ADAM17: variants seen among roughly 807,000 people sequenced by gnomAD.
The protein encoded by ADAM17 is disintegrin and metalloproteinase domain-containing protein 17.
A neutral mutation model predicts 96.7 loss-of-function variants in ADAM17; 39 were observed. That is an observed-to-expected ratio of 0.40 (90% confidence interval 0.31 to 0.53). The LOEUF is 0.53. ADAM17 is among the 20% of genes least tolerant of loss of function. The pLI, the probability that ADAM17 is intolerant of heterozygous loss-of-function variation, is 0.44. For missense variants in ADAM17, 777 were observed against 1,013.2 expected (o/e 0.77, Z 3.17); for synonymous variants, 344 against 359.2 (o/e 0.96, Z 0.48).
intron 2 of ADAM17, among the ~76,000 whole-genome samples, chr2:9,537,744 C>T (rs1051591070): frequency 1.3e-4 from 20 of 151,634 alleles, no homozygotes; most frequent in African/African-American, 4.8e-4. Context: ...AAAAAGTACT[C>T]GTGCTTTTTT....
At chr2:9,518,899 G>C (rs1025856726) in intron 8 of ADAM17, among the ~76,000 whole-genome samples, 3 of 151,046 alleles carry the variant, frequency 2.0e-5, no homozygotes, top group Non-Finnish European at 3.0e-5. Flanking sequence ...CTTAATTTGG[G>C]GGGGGGGTTT....
intron 10 of ADAM17, among the ~76,000 whole-genome samples, chr2:9,513,283 C>T (rs561039809): frequency 1.3e-5 from 2 of 152,252 alleles, no homozygotes; most frequent in South Asian, 2.1e-4. Context: ...CGTGAGCCAC[C>T]GCACCCAGCT....
chr2:9,517,866 TCTAACA>T, intron 10 of ADAM17, 29 bp downstream of exon 10: 3 of 1,451,268 alleles, frequency 2.1e-6, no homozygotes, highest in Non-Finnish European at 2.8e-6. Flanking sequence ...TACAATAAAC[TCTAACA>T]CTATTCTTTT....
chr2:9,514,729 C>T (rs1399577743), intron 10 of ADAM17, among the ~76,000 whole-genome samples: 1 of 150,904 alleles, frequency 6.6e-6, no homozygotes, highest in Non-Finnish European at 1.5e-5. Context: ...AAAAATTAGC[C>T]GGGCGTGGTG....
At chr2:9,534,650 G>A (rs1572947237) in intron 4 of ADAM17, among the ~76,000 whole-genome samples, 1 of 152,164 alleles carries the variant, frequency 6.6e-6, no homozygotes, top group East Asian at 1.9e-4. Context: ...CATATTGTAT[G>A]GTCCTAGTTT....
At chr2:9,543,382 T>G (rs1315134006) in intron 1 of ADAM17, 97 bp from the exon 2 acceptor site, 5 of 1,124,550 alleles carry the variant, frequency 4.4e-6, no homozygotes, top group South Asian at 2.3e-5. Flanking sequence ...TTTCCTGATG[T>G]AATCCATTAG....
chr2:9,491,506 C>CCGCACTGACTGGAAGGGCA (rs1156323991), intron 17 of ADAM17, among the ~76,000 whole-genome samples: 1 of 152,232 alleles, frequency 6.6e-6, no homozygotes, highest in African/African-American at 2.4e-5. Flanking sequence ...TACACCAGGA[C>CCGCACTGACTGGAAGGGCA]CGCACTGACT....
At chr2:9,509,821 C>T (rs1332487607) in intron 11 of ADAM17, among the ~76,000 whole-genome samples, 158 bp downstream of exon 11, 1 of 152,148 alleles carries the variant, frequency 6.6e-6, no homozygotes, top group Non-Finnish European at 1.5e-5. Flanking sequence ...AACCGTGCTT[C>T]ACCCCAAAAC....
intron 1 of ADAM17, among the ~76,000 whole-genome samples, chr2:9,544,495 A>T (rs1665334300): frequency 1.3e-5 from 2 of 151,988 alleles, no homozygotes; most frequent in Admixed American, 1.3e-4. Context: ...ACTACACTCT[A>T]GCCTGGGCGA....
At chr2:9,517,763 A>T (rs1236669560) in intron 10 of ADAM17, 138 bp downstream of exon 10, 1 of 563,734 alleles carries the variant, frequency 1.8e-6, no homozygotes, top group African/African-American at 2.0e-5. Context: ...TCCCACAAAA[A>T]TACATAAATT....
intron 10 of ADAM17, among the ~76,000 whole-genome samples, chr2:9,516,712 C>T (rs1664076509): frequency 6.6e-6 from 1 of 152,050 alleles, no homozygotes; most frequent in African/African-American, 2.4e-5. Context: ...AAGATGGTGC[C>T]ACTGCCCTCC....
At chr2:9,541,679 G>GT (rs1665211056) in intron 2 of ADAM17, among the ~76,000 whole-genome samples, 1 of 152,228 alleles carries the variant, frequency 6.6e-6, no homozygotes, top group Non-Finnish European at 1.5e-5. Context: ...TCCATGGCTT[G>GT]TTTTTTAAAC....
chr2:9,519,561 CA>C (rs985057826), intron 8 of ADAM17, among the ~76,000 whole-genome samples: 4 of 152,118 alleles, frequency 2.6e-5, no homozygotes, highest in African/African-American at 9.7e-5. Flanking sequence ...TGTGCCACCC[CA>C]CAATTCAAAT....
chr2:9,499,011 T>C (rs1662817800), intron 13 of ADAM17, among the ~76,000 whole-genome samples: 1 of 152,144 alleles, frequency 6.6e-6, no homozygotes, highest in Non-Finnish European at 1.5e-5. Flanking sequence ...TTTGATGCAG[T>C]AGATCCAGGG....
chr2:9,506,297 T>C (rs1191439472), intron 11 of ADAM17, among the ~76,000 whole-genome samples: 1 of 148,264 alleles, frequency 6.7e-6, no homozygotes, highest in Non-Finnish European at 1.5e-5. Flanking sequence ...TTCAGAAAGA[T>C]AGCAAAGACC....
At chr2:9,494,113 C>T (rs762941145) in intron 15 of ADAM17, among the ~76,000 whole-genome samples, 3 of 152,162 alleles carry the variant, frequency 2.0e-5, no homozygotes, top group Admixed American at 1.3e-4. Flanking sequence ...AAGGACTCTA[C>T]ACATACACAG....
At chr2:9,498,066 G>C (rs1196411249) in intron 13 of ADAM17, among the ~76,000 whole-genome samples, 3 of 152,108 alleles carry the variant, frequency 2.0e-5, no homozygotes, top group African/African-American at 7.2e-5. Flanking sequence ...GTCTCAGTCT[G>C]TCACCCAGGC....
intron 5 of ADAM17, 137 bp downstream of exon 5, chr2:9,527,649 A>G (rs1051845352): frequency 5.4e-6 from 3 of 558,444 alleles, no homozygotes; most frequent in Non-Finnish European, 8.2e-6. Flanking sequence ...AAATTTCTGG[A>G]ACAAACCTCT....
At position 9,491,142 on chromosome 2, in the gene ADAM17, A is replaced by G. The variant is rs576343468; in HGVS notation, c.2092T>C (p.Leu698=). Residue 698 remains leucine (L), a synonymous_variant, in exon 18 of 19, where the codon TTG becomes CTG. Transcript: ENST00000310823. ...SILVHCVDKK[L]DKQYESLSLF... is the part of the protein sequence containing the mutation. ...GACAGAGATTCATACTGTTTATCCAATTTCTTATCCTAGAAAGAAACAGCA... is the reference window on the plus strand; with the variant it reads ...GACAGAGATTCATACTGTTTATCCAGTTTCTTATCCTAGAAAGAAACAGCA... 4 of 1,612,974 alleles carry G rather than the reference A, an allele frequency of 2.5e-6. No individual in the cohort carries two copies. The highest frequency in any genetic ancestry group is 3.3e-5 in the Admixed American group (2 of 59,956).
Sources: allele counts gnomAD v4.1 joint callset (sites outside exome capture counted in the v4.1 genomes callset), GRCh38; gene constraint gnomAD v4.1.1; transcripts MANE v1.5; gene names NCBI Gene and HGNC (gene_info 2026-07-23, HGNC 2026-07-21).